The following ADCY5 variants were observed in gnomAD, a reference collection of about 807,000 sequenced individuals.
The protein encoded by ADCY5 is adenylate cyclase 5, also known as adenylate cyclase type 5.
In ADCY5, 30 loss-of-function variants were observed where a neutral mutation model predicts 119.7. The ratio of observed to expected loss-of-function variants is 0.25; its 90% confidence interval spans 0.19 to 0.34. The LOEUF is 0.34. Ranked by LOEUF, ADCY5 falls within the 10% of genes least tolerant of loss-of-function variation. The pLI, the probability that ADCY5 is intolerant of heterozygous loss-of-function variation, is 1.00. For missense variants in ADCY5, 1,324 were observed against 1,775.2 expected (o/e 0.75, Z 4.57); for synonymous variants, 753 against 762.2 (o/e 0.99, Z 0.20).
chr3:123,382,993 C>G (rs748613273), intron 1 of ADCY5, among the ~76,000 whole-genome samples: 57 of 152,160 alleles, frequency 3.7e-4, no homozygotes, highest in Non-Finnish European at 8.8e-5. Context: ...ACTCTGGGCC[C>G]TGCACTCCTT....
chr3:123,317,215 G>T (rs904698945), intron 11 of ADCY5, among the ~76,000 whole-genome samples: 2 of 152,120 alleles, frequency 1.3e-5, no homozygotes, highest in Non-Finnish European at 2.9e-5. Flanking sequence ...AGGCTTTGTC[G>T]GAGACACAGC....
chr3:123,424,735 G>A (rs1181208268), intron 1 of ADCY5, among the ~76,000 whole-genome samples: 1 of 152,086 alleles, frequency 6.6e-6, no homozygotes, highest in East Asian at 1.9e-4. Context: ...TTTTCTAATG[G>A]GCTCCAGGTT....
Position 123,319,687 on chromosome 3 carries a change from T to C in ADCY5, c.2243A>G (p.Asp748Gly), listed in dbSNP as rs1272227892. The change falls in exon 10 of 21, where the codon GAC (aspartate) becomes GGC (glycine). Residue 748 changes from aspartate to glycine, a missense_variant. Physicochemically the swap from Asp to Gly is moderately conservative, Grantham distance 94. Transcript: ENST00000462833. ...AGGGTGCTGTACCTTCTTCTCTAAG[T>C]CAGGCTCCCTGAAGGTCAGGAGGAA... Reference protein sequence around the residue: ...RKFLLTFREPDLEKKYSKQVD... With the variant: ...RKFLLTFREPGLEKKYSKQVD... 1 of 1,614,206 alleles carries C rather than the reference T, an allele frequency of 6.2e-7. No individual in the cohort carries two copies. The highest frequency in any genetic ancestry group is 8.5e-7 in the Non-Finnish European group (1 of 1,180,032).
intron 15 of ADCY5, among the ~76,000 whole-genome samples, chr3:123,299,300 G>T (rs1939698314): frequency 6.6e-6 from 1 of 152,180 alleles, no homozygotes; most frequent in Non-Finnish European, 1.5e-5. Context: ...TGGTGCGTGT[G>T]TCTTCCTGGC....
At chr3:123,293,800 A>ACACACGTTTCCACGTACGTTTC (rs1939321457) in intron 17 of ADCY5, among the ~76,000 whole-genome samples, 1 of 152,206 alleles carries the variant, frequency 6.6e-6, no homozygotes, top group African/African-American at 2.4e-5. Context: ...ATACATGTAT[A>ACACACGTTTCCACGTACGTTTC]CACACGTTTC....
At chr3:123,285,152 C>T (rs1376438819) in intron 20 of ADCY5, among the ~76,000 whole-genome samples, 1 of 152,198 alleles carries the variant, frequency 6.6e-6, no homozygotes, top group African/African-American at 2.4e-5. Flanking sequence ...AGCATCCCTC[C>T]GTGACAGATC....
At chr3:123,357,285 G>GA (rs1358962333) in intron 1 of ADCY5, among the ~76,000 whole-genome samples, 3 of 152,018 alleles carry the variant, frequency 2.0e-5, no homozygotes, top group African/African-American at 7.3e-5. Flanking sequence ...GACTAAGAGA[G>GA]AAAATGTAAG....
Position 123,447,935 on chromosome 3 carries a change from G to A in ADCY5, c.611C>T (p.Ser204Phe), listed in dbSNP as rs1486462161. The A allele has an allele frequency of 8.8e-6, 14 of 1,592,612 alleles. No homozygotes were observed. The highest frequency in any genetic ancestry group is 1.2e-5 in the Non-Finnish European group (14 of 1,168,518). The change falls in exon 1 of 21, where the codon TCC (serine) becomes TTC (phenylalanine). Residue 204 changes from serine (S) to phenylalanine (F), a missense_variant. Ser to Phe is a radical substitution (Grantham distance 155). Coordinates refer to ENST00000462833, the MANE Select transcript of ADCY5 (RefSeq NM_183357.3). ...CAACGCCAGGCAGCAGGCGCCCAGG[G>A]ACAGCACCGCGCCGGGCCCCGCGCC... The part of the protein sequence containing the change: ...GSGAGPGAVL[S>F]LGACCLALLQ...
intron 12 of ADCY5, among the ~76,000 whole-genome samples, chr3:123,307,387 T>C (rs1940258137): frequency 6.6e-6 from 1 of 152,168 alleles, no homozygotes; most frequent in African/African-American, 2.4e-5. Context: ...AGAGTGGCTA[T>C]CAAGACTTAG....
At chr3:123,402,863 A>AG (rs1441591457) in intron 1 of ADCY5, among the ~76,000 whole-genome samples, 2 of 149,012 alleles carry the variant, frequency 1.3e-5, no homozygotes, top group Admixed American at 6.7e-5. Context: ...AGGAAAAAAA[A>AG]AAAAAAAGGA....
intron 3 of ADCY5, among the ~76,000 whole-genome samples, chr3:123,346,130 T>C (rs889465144): frequency 5.9e-5 from 9 of 152,240 alleles, no homozygotes; most frequent in African/African-American, 2.2e-4. Flanking sequence ...AAGCTCTGCG[T>C]AGGTGTGACC....
At chr3:123,338,081 G>A (rs1942101317) in intron 3 of ADCY5, among the ~76,000 whole-genome samples, 1 of 152,168 alleles carries the variant, frequency 6.6e-6, no homozygotes, top group Admixed American at 6.5e-5. Flanking sequence ...TGTGTGCCAG[G>A]AGACATGAGA....
At chr3:123,330,154 G>C (rs1391605613) in intron 5 of ADCY5, among the ~76,000 whole-genome samples, 4 of 152,228 alleles carry the variant, frequency 2.6e-5, no homozygotes, top group African/African-American at 9.6e-5. Context: ...GGCAAGTGCT[G>C]CAAGTAGAAC....
At chr3:123,368,370 T>G (rs1018017612) in intron 1 of ADCY5, among the ~76,000 whole-genome samples, 1 of 151,930 alleles carries the variant, frequency 6.6e-6, no homozygotes, top group African/African-American at 2.4e-5. Context: ...CCAAGACGGG[T>G]GGGTCACTTG....
intron 1 of ADCY5, among the ~76,000 whole-genome samples, chr3:123,390,272 G>C (rs1045468853): frequency 1.3e-5 from 2 of 152,254 alleles, no homozygotes; most frequent in African/African-American, 4.8e-5. Flanking sequence ...TGCTGTGCTA[G>C]TGGCCGGATG....
Position 123,319,659 on chromosome 3 carries a change from C to T in ADCY5, c.2256+15G>A. On this transcript the variant is annotated intron_variant, in intron 10 of 20. Coordinates refer to ENST00000462833, the MANE Select transcript of ADCY5 (RefSeq NM_183357.3). ...GTTCAGCACAGGGGCCTCCTTCCCA[C>T]CCAGGGTGCTGTACCTTCTTCTCTA... 2.5e-6 allele frequency: 4 copies of T among 1,613,172 alleles called. No individual in the cohort carries two copies. The highest frequency in any genetic ancestry group is 3.4e-6 in the Non-Finnish European group (4 of 1,179,272).
At chr3:123,436,153 G>A (rs1239886240) in intron 1 of ADCY5, among the ~76,000 whole-genome samples, 2 of 151,832 alleles carry the variant, frequency 1.3e-5, no homozygotes, top group African/African-American at 4.8e-5. Flanking sequence ...GCCTCCCAAA[G>A]TGTTGGCATT....
At chr3:123,375,682 C>T (rs903748392) in intron 1 of ADCY5, among the ~76,000 whole-genome samples, 1 of 152,256 alleles carries the variant, frequency 6.6e-6, no homozygotes, top group Non-Finnish European at 1.5e-5. Context: ...ATTCTAACAG[C>T]TTATTTCATC....
At chr3:123,317,953 AC>A (rs1941010243) in intron 11 of ADCY5, 66 bp downstream of exon 11, 5 of 1,433,380 alleles carry the variant, frequency 3.5e-6, no homozygotes, top group Middle Eastern at 1.7e-4. Flanking sequence ...CTAAATGACC[AC>A]CCCCTCCCAC....
Sources: allele counts gnomAD v4.1 joint callset (sites outside exome capture counted in the v4.1 genomes callset), GRCh38; gene constraint gnomAD v4.1.1; transcripts MANE v1.5; gene names NCBI Gene and HGNC (gene_info 2026-07-23, HGNC 2026-07-21).